MPRIP: variants seen among roughly 807,000 people sequenced by gnomAD.
MPRIP encodes myosin phosphatase Rho interacting protein.
Under a neutral mutation model 234.9 loss-of-function variants are expected in MPRIP, and 59 were observed. The ratio of observed to expected loss-of-function variants is 0.25; its 90% CI spans 0.20 to 0.31. MPRIP has a LOEUF of 0.31. Among genes scored for constraint, MPRIP ranks in the 10% least tolerant of loss-of-function variants. The pLI is 1.00. For synonymous variants in MPRIP, 1,144 were observed against 1,263.9 expected (o/e 0.91, Z 2.01); for missense variants, 2,436 against 3,071.0 (o/e 0.79, Z 4.89).
Position 17,158,524 on chromosome 17 carries a change from A to G in MPRIP, c.1922A>G (p.Asp641Gly). 1 of 1,611,766 alleles carries G rather than the reference A, an allele frequency of 6.2e-7. No individual in the cohort carries two copies. Among genetic ancestry groups the G allele is most frequent in the Non-Finnish European group, 8.5e-7 (1 of 1,179,906 alleles). The change falls in exon 14 of 24, where the codon GAC becomes GGC. Residue 641 changes from aspartate to glycine, a missense_variant. Around this residue, in one of 4 missense-constraint regions of MPRIP, gnomAD observed 1,998 missense variants for 2,520.3 expected, o/e 0.79. Coordinates refer to ENST00000651222, the MANE Select transcript of MPRIP (RefSeq NM_001364716.4). ...CAAGAGGCAGAGCTGGGGGAGCCGG[A>G]CCCTGAGCAGAAGAGGAGCCGCGCA... is the stretch of plus-strand genomic sequence containing the variant. ...EKQEAELGEP[D>G]PEQKRSRARE... is the part of the protein sequence containing the mutation.
In MPRIP at chr17:17,190,524, TGGAAA is replaced by T. The variant is rs2046566274; in HGVS notation, c.*5635_*5639del. On this transcript the variant is annotated 3_prime_UTR_variant, in exon 24 of 24. Transcript: ENST00000651222. ...AGGAAAGCCTGGCATAAACCCAGCA[TGGAAA>T]GGAACATTATCAGTTATCTCAAATT... The T allele has an allele frequency of 6.6e-6, 1 of 152,222 alleles. No homozygotes were observed. The allele number at this position is 152,222 out of a possible 1,614,324, so 9.4% of individuals were successfully genotyped here.
chr17:17,111,287 T>C (rs1210556946), intron 3 of MPRIP, among the ~76,000 whole-genome samples: 1 of 142,576 alleles, frequency 7.0e-6, no homozygotes, highest in Non-Finnish European at 1.5e-5. Context: ...GAAGCCACTG[T>C]AGGCCAGGCT....
intron 3 of MPRIP, among the ~76,000 whole-genome samples, chr17:17,126,453 C>T (rs1047862269): frequency 2.0e-5 from 3 of 152,184 alleles, no homozygotes; most frequent in African/African-American, 7.2e-5. Context: ...CCCTGCATAT[C>T]CCCTCCAGTG....
rs1427289701 is a variant in MPRIP, at chr17:17,175,294, A to G, written c.6752A>G (p.Glu2251Gly). ...ENQELNAHNQELNNRLAAEIT... is the reference protein window; with the variant it reads ...ENQELNAHNQGLNNRLAAEIT... ...CACTGTTGTGTTGCTGTCCCCCAGG[A>G]GCTGAACAACCGCCTGGCTGCAGAG... Residue 2251 changes from glutamate (E) to glycine (G), a missense_variant and splice_region_variant, in exon 20 of 24, where the codon GAG becomes GGG. Around this residue, in one of 4 missense-constraint regions of MPRIP, gnomAD observed 1,998 missense variants for 2,520.3 expected, o/e 0.79. Coordinates refer to ENST00000651222, the MANE Select transcript of MPRIP (RefSeq NM_001364716.4). 1 of 1,613,370 alleles carries G rather than the reference A, an allele frequency of 6.2e-7. No homozygotes were observed. The highest frequency in any genetic ancestry group is 8.5e-7 in the Non-Finnish European group (1 of 1,179,996).
intron 5 of MPRIP, among the ~76,000 whole-genome samples, chr17:17,134,814 G>C (rs2090662574): frequency 6.6e-6 from 1 of 152,244 alleles, no homozygotes; most frequent in South Asian, 2.1e-4. Flanking sequence ...GGCCTCCCTT[G>C]GGAGGTGGGT....
Position 17,172,686 on chromosome 17 carries a change from C to T in MPRIP, c.6473-12C>T. On this transcript the variant is annotated splice_polypyrimidine_tract_variant and intron_variant, in intron 17 of 23. Coordinates refer to ENST00000651222, the MANE Select transcript of MPRIP (RefSeq NM_001364716.4). ...TGGTCCCTCGGTGCTGAGGCCGTGT[C>T]CTTGCCTGCAGCCATCGAAGCCATG... is the stretch of plus-strand genomic sequence containing the variant. 1 of 1,608,244 alleles carries T rather than the reference C, an allele frequency of 6.2e-7. No homozygotes were observed. Among genetic ancestry groups the T allele is most frequent in the Non-Finnish European group, 8.5e-7 (1 of 1,177,848 alleles).
intron 23 of MPRIP, among the ~76,000 whole-genome samples, chr17:17,180,393 T>C (rs1289879985): frequency 6.6e-6 from 1 of 152,248 alleles, no homozygotes; most frequent in South Asian, 2.1e-4. Context: ...TGCTGTCAGC[T>C]GTGCCTGTGT....
At chr17:17,053,401 C>T (rs185033848) in intron 1 of MPRIP, among the ~76,000 whole-genome samples, 6 of 152,162 alleles carry the variant, frequency 3.9e-5, no homozygotes, top group East Asian at 3.9e-4. Context: ...CCTCAGCAAC[C>T]GCAGGATCTG....
intron 13 of MPRIP, among the ~76,000 whole-genome samples, chr17:17,156,857 A>T (rs1422285134): frequency 1.3e-5 from 2 of 152,230 alleles, no homozygotes; most frequent in Admixed American, 1.3e-4. Flanking sequence ...GTTGCTGTGA[A>T]GCACTTTGCC....
chr17:17,080,180 G>T (rs2089430190), intron 3 of MPRIP, among the ~76,000 whole-genome samples: 1 of 152,230 alleles, frequency 6.6e-6, no homozygotes, highest in African/African-American at 2.4e-5. Context: ...GCTGTGGAGG[G>T]GTTTCCCTGT....
chr17:17,184,544 C>T (rs1193029848), intron 23 of MPRIP, among the ~76,000 whole-genome samples: 1 of 152,250 alleles, frequency 6.6e-6, no homozygotes, highest in African/African-American at 2.4e-5. Context: ...CACTGCTTCT[C>T]TAAAGAGCCC....
intron 3 of MPRIP, among the ~76,000 whole-genome samples, chr17:17,124,983 G>C (rs2090463338): frequency 6.6e-6 from 1 of 152,214 alleles, no homozygotes; most frequent in African/African-American, 2.4e-5. Context: ...TCCCCAACCA[G>C]AAGGTGGCAG....
intron 11 of MPRIP, among the ~76,000 whole-genome samples, chr17:17,149,471 T>G (rs2045549507): frequency 6.7e-6 from 1 of 150,048 alleles, no homozygotes; most frequent in Admixed American, 6.7e-5. Context: ...TCAGCCTGAG[T>G]GACAGAGCAA....
Position 17,126,721 on chromosome 17 carries a change from G to A in MPRIP, c.287G>A (p.Gly96Asp). The A allele has an allele frequency of 6.2e-7, 1 of 1,613,236 alleles. No homozygotes were observed. Among genetic ancestry groups the A allele is most frequent in the Non-Finnish European group, 8.5e-7 (1 of 1,179,566 alleles). ...TTCCAGCCCACGACCCTTCCTCAGG[G>A]CACCATCAACATGAACCAGTGCACA... ...LDEMPTTLPQ[G>D]TINMNQCTDV... Residue 96 changes from glycine (G) to aspartate (D), a missense_variant, in exon 4 of 24, where the codon GGC becomes GAC. By Grantham distance (94) the Gly-to-Asp change is moderately conservative. This residue lies in a region of MPRIP where 140 missense variants were observed against 207.3 expected (regional missense o/e 0.68). Coordinates refer to ENST00000651222, the MANE Select transcript of MPRIP (RefSeq NM_001364716.4).
chr17:17,158,682 G>T lies in MPRIP; in HGVS notation c.2080G>T (p.Ala694Ser), dbSNP rs762661981. 6.2e-7 allele frequency: 1 copy of T among 1,608,046 alleles called. No individual in the cohort carries two copies. Among genetic ancestry groups the T allele is most frequent in the Non-Finnish European group, 8.5e-7 (1 of 1,178,696 alleles). ...ADTHEPLRPE[A>S]EPGELERERA... Reference sequence around the variant, plus strand: ...CACCCACGAGCCCCTGCGCCCTGAGGCGGAGCCTGGGGAGCTGGAGCGGGA... The same window carrying T: ...CACCCACGAGCCCCTGCGCCCTGAGTCGGAGCCTGGGGAGCTGGAGCGGGA... The change falls in exon 14 of 24, where the codon GCG (alanine) becomes TCG (serine). Residue 694 changes from alanine to serine, a missense_variant. Ala to Ser is a moderately conservative substitution (Grantham distance 99). Coordinates refer to ENST00000651222, the MANE Select transcript of MPRIP (RefSeq NM_001364716.4).
intron 1 of MPRIP, among the ~76,000 whole-genome samples, chr17:17,047,274 C>T (rs934123590): frequency 6.6e-6 from 1 of 152,140 alleles, no homozygotes; most frequent in African/African-American, 2.4e-5. Context: ...GTTTGCTGAC[C>T]CTGAACTAGA....
chr17:17,168,274 G>C, intron 16 of MPRIP: 1 of 277,250 alleles, frequency 3.6e-6, no homozygotes, highest in Non-Finnish European at 7.1e-6. Flanking sequence ...CCTGCCCCGG[G>C]AACCCCGTCT....
chr17:17,056,426 T>G (rs1202787346), intron 1 of MPRIP, among the ~76,000 whole-genome samples: 1 of 152,054 alleles, frequency 6.6e-6, no homozygotes, highest in Admixed American at 6.5e-5. Context: ...ACTTTCCCCC[T>G]CCAGCTTGAA....
At position 17,052,155 on chromosome 17, in the gene MPRIP, G is replaced by A. The variant is rs190386469; in HGVS notation, c.123+9184G>A. ...CACTGAGCTGCTCAGCAATGGGGCC[G>A]TGATACAGATTTCAGCTCCATGAGG... On this transcript the variant is annotated intron_variant, in intron 1 of 23. Coordinates refer to ENST00000651222, the MANE Select transcript of MPRIP (RefSeq NM_001364716.4). Among the ~76,000 whole-genome samples, 27 of 152,336 alleles carry A rather than the reference G, an allele frequency of 1.8e-4. No individual in the cohort carries two copies. The East Asian group carries it at 4.2e-3, about 24-fold the overall frequency.
Sources: gnomAD v4.1 joint callset for allele counts (sites outside exome capture counted in the v4.1 genomes callset) on GRCh38, gnomAD v4.1.1 for gene constraint, gnomAD v4.1.1 regional missense constraint, MANE v1.5 for transcripts, NCBI Gene and HGNC (gene_info 2026-07-23, HGNC 2026-07-21) for gene names.